RBFOX1: variants seen among roughly 807,000 people sequenced by gnomAD.
RBFOX1 encodes RNA binding fox-1 homolog 1, also known as RNA binding protein fox-1 homolog 1.
Under a neutral mutation model 57.7 loss-of-function variants are expected in RBFOX1, and 8 were observed. That is an observed-to-expected ratio of 0.14 (90% CI 0.08 to 0.25). The LOEUF is 0.25. RBFOX1 is among the 10% of genes least tolerant of loss of function. The pLI is 1.00. For synonymous variants in RBFOX1, 326 were observed against 222.4 expected (o/e 1.47, Z -4.15); for missense variants, 611 against 548.5 (o/e 1.11, Z -1.14).
chr16:5,797,698 A>T (rs1597296491), intron 3 of RBFOX1, among the ~76,000 whole-genome samples: 2 of 152,366 alleles, frequency 1.3e-5, no homozygotes, highest in East Asian at 3.9e-4. Flanking sequence ...TTGTGGTCAG[A>T]GGCCATATCT....
At chr16:6,676,834 C>G (rs901360636) in intron 3 of RBFOX1, among the ~76,000 whole-genome samples, 3 of 151,872 alleles carry the variant, frequency 2.0e-5, no homozygotes, top group Admixed American at 6.6e-5. Flanking sequence ...CGCCACCACT[C>G]CCAGCTAATT....
chr16:5,408,602 G>A (rs548310741), intron 1 of RBFOX1, among the ~76,000 whole-genome samples: 15 of 152,266 alleles, frequency 9.9e-5, no homozygotes, highest in Admixed American at 1.3e-4. Context: ...GTATTAGGCC[G>A]TTCTTGCATT....
chr16:6,585,718 C>T (rs555076235), intron 2 of RBFOX1, among the ~76,000 whole-genome samples: 1 of 151,404 alleles, frequency 6.6e-6, no homozygotes, highest in South Asian at 2.1e-4. Context: ...CTGTTCACTG[C>T]AGTTCAAAGG....
intron 1 of RBFOX1, among the ~76,000 whole-genome samples, chr16:5,278,924 C>T (rs528665774): frequency 1.3e-5 from 2 of 152,180 alleles, no homozygotes; most frequent in South Asian, 4.1e-4. Context: ...TTTCTGGGTT[C>T]TTTGGTCTGT....
chr16:5,411,204 G>C (rs574000890), intron 1 of RBFOX1, among the ~76,000 whole-genome samples: 1 of 152,216 alleles, frequency 6.6e-6, no homozygotes, highest in Non-Finnish European at 1.5e-5. Context: ...CAGAAAGTGC[G>C]AACAAGTCAC....
chr16:7,595,516 C>G, intron 7 of RBFOX1, 33 bp from the exon 8 acceptor site: 2 of 1,478,318 alleles, frequency 1.4e-6, no homozygotes, highest in Non-Finnish European at 1.8e-6. Context: ...TAATAATCTG[C>G]ATGTTGTTTT....
At chr16:7,330,681 A>G (rs2096677836) in intron 4 of RBFOX1, among the ~76,000 whole-genome samples, 1 of 152,118 alleles carries the variant, frequency 6.6e-6, no homozygotes, top group East Asian at 1.9e-4. Flanking sequence ...TCAGGAAACT[A>G]AGAGTCTAAA....
At chr16:6,862,619 A>C (rs2059211788) in intron 3 of RBFOX1, among the ~76,000 whole-genome samples, 1 of 152,204 alleles carries the variant, frequency 6.6e-6, no homozygotes, top group Non-Finnish European at 1.5e-5. Context: ...GACATGAATG[A>C]AGTACAGGAC....
intron 2 of RBFOX1, among the ~76,000 whole-genome samples, chr16:6,534,436 C>G (rs2096707959): frequency 6.6e-6 from 1 of 152,106 alleles, no homozygotes; most frequent in East Asian, 1.9e-4. Context: ...TAAGATGCCT[C>G]TTCAGTTTCT....
At chr16:5,551,713 G>T (rs2045472615) in intron 2 of RBFOX1, among the ~76,000 whole-genome samples, 1 of 152,006 alleles carries the variant, frequency 6.6e-6, no homozygotes, top group Non-Finnish European at 1.5e-5. Flanking sequence ...ATGGTAGTTT[G>T]CCGCACCTAT....
chr16:5,851,260 T>C (rs1259627726), intron 3 of RBFOX1, among the ~76,000 whole-genome samples: 1 of 152,224 alleles, frequency 6.6e-6, no homozygotes, highest in Non-Finnish European at 1.5e-5. Flanking sequence ...AGCTTGGTGT[T>C]ACTGATCACG....
intron 3 of RBFOX1, among the ~76,000 whole-genome samples, chr16:5,731,330 C>T (rs2052366091): frequency 6.6e-6 from 1 of 152,192 alleles, no homozygotes; most frequent in Non-Finnish European, 1.5e-5. Flanking sequence ...GTATCACCAC[C>T]ACTACTGTAA....
At chr16:5,941,369 C>T (rs565293069) in intron 4 of RBFOX1, among the ~76,000 whole-genome samples, 7 of 151,378 alleles carry the variant, frequency 4.6e-5, no homozygotes, top group Non-Finnish European at 4.4e-5. Context: ...GCATGCCTGT[C>T]GTCCCAGCTA....
intron 14 of RBFOX1, among the ~76,000 whole-genome samples, chr16:7,702,462 C>T (rs1308237848): frequency 2.6e-5 from 4 of 152,128 alleles, no homozygotes; most frequent in Admixed American, 2.0e-4. Flanking sequence ...TACTGTTTTG[C>T]TGCATTTTCA....
chr16:6,686,434 CG>C (rs2059447227), intron 3 of RBFOX1, among the ~76,000 whole-genome samples: 1 of 152,162 alleles, frequency 6.6e-6, no homozygotes, highest in African/African-American at 2.4e-5. Flanking sequence ...CGCAGGCCTC[CG>C]TTGTACTCAC....
At chr16:7,709,173 C>T in intron 15 of RBFOX1, 42 bp downstream of exon 15, 2 of 1,535,594 alleles carry the variant, frequency 1.3e-6, no homozygotes, top group Admixed American at 1.7e-5. Context: ...CTCCTGCCTC[C>T]CTTCCCTTTC....
At chr16:6,726,718 C>A (rs532443460) in intron 3 of RBFOX1, among the ~76,000 whole-genome samples, 113 of 152,256 alleles carry the variant, frequency 7.4e-4, no homozygotes, top group African/African-American at 2.5e-3. Context: ...GTTTTCTCTT[C>A]CTTCTGCTGT....
chr16:6,525,546 T>G (rs2096566629), intron 2 of RBFOX1, among the ~76,000 whole-genome samples: 1 of 152,164 alleles, frequency 6.6e-6, no homozygotes, highest in Admixed American at 6.5e-5. Flanking sequence ...CTGGGTAATT[T>G]CTAAAGAACA....
intron 3 of RBFOX1, among the ~76,000 whole-genome samples, chr16:6,859,258 A>T (rs894336891): frequency 6.7e-6 from 1 of 148,796 alleles, no homozygotes; most frequent in Non-Finnish European, 1.5e-5. Context: ...CTGACTCTTT[A>T]TAAAAATGAC....
Sources: gnomAD v4.1 joint callset for allele counts (sites outside exome capture counted in the v4.1 genomes callset) on GRCh38, gnomAD v4.1.1 for gene constraint, MANE v1.5 for transcripts, NCBI Gene and HGNC (gene_info 2026-07-23, HGNC 2026-07-21) for gene names.